The following PLCB4 variants were observed in gnomAD, a reference collection of about 807,000 sequenced individuals.
PLCB4 encodes 1-phosphatidylinositol 4,5-bisphosphate phosphodiesterase beta-4.
A neutral mutation model predicts 178.8 loss-of-function variants in PLCB4; 77 were observed. That is an observed-to-expected ratio of 0.43 (90% confidence interval 0.36 to 0.52). The LOEUF is 0.52. PLCB4 is among the 20% of genes least tolerant of loss of function. The pLI, the probability that PLCB4 is intolerant of heterozygous loss-of-function variation, is 0.00. For synonymous variants in PLCB4, 496 were observed against 490.8 expected (o/e 1.01, Z -0.14); for missense variants, 1,024 against 1,453.4 (o/e 0.70, Z 4.80).
intron 2 of PLCB4, among the ~76,000 whole-genome samples, chr20:9,150,234 C>T (rs576639808): frequency 1.2e-4 from 18 of 152,282 alleles, no homozygotes; most frequent in African/African-American, 4.3e-4. Flanking sequence ...ATGCTCAACA[C>T]TATTAGTTAA....
At chr20:9,187,437 C>A (rs1466887294) in intron 2 of PLCB4, among the ~76,000 whole-genome samples, 1 of 152,202 alleles carries the variant, frequency 6.6e-6, no homozygotes, top group Non-Finnish European at 1.5e-5. Flanking sequence ...ACTCTTCTGT[C>A]TTCTGTTTTC....
chr20:9,436,765 A>G (rs2041798490), intron 29 of PLCB4, among the ~76,000 whole-genome samples: 1 of 152,218 alleles, frequency 6.6e-6, no homozygotes, highest in Admixed American at 6.5e-5. Flanking sequence ...TCTCTTTACC[A>G]GACTCCTCAG....
intron 39 of PLCB4, among the ~76,000 whole-genome samples, chr20:9,478,653 T>C (rs939700948): frequency 2.6e-5 from 4 of 152,144 alleles, no homozygotes; most frequent in African/African-American, 7.2e-5. Flanking sequence ...TGTAAACCAG[T>C]CCCCAAAATT....
At chr20:9,264,668 C>G (rs1340157945) in intron 3 of PLCB4, among the ~76,000 whole-genome samples, 1 of 152,132 alleles carries the variant, frequency 6.6e-6, no homozygotes, top group Non-Finnish European at 1.5e-5. Flanking sequence ...ATGTAATGTC[C>G]TTTTCTTGAA....
At chr20:9,359,281 G>T (rs2035114011) in intron 7 of PLCB4, among the ~76,000 whole-genome samples, 1 of 152,110 alleles carries the variant, frequency 6.6e-6, no homozygotes, top group Non-Finnish European at 1.5e-5. Context: ...AGTTGGACAG[G>T]GCCTGGGGTG....
intron 4 of PLCB4, among the ~76,000 whole-genome samples, chr20:9,332,090 AG>A (rs1488251872): frequency 6.6e-6 from 1 of 152,190 alleles, no homozygotes; most frequent in Non-Finnish European, 1.5e-5. Flanking sequence ...CCACCCCCCA[AG>A]GAAGTTCTCT....
At position 9,434,399 on chromosome 20, in the gene PLCB4, G is replaced by A. The variant is rs189326402; in HGVS notation, c.2525-1161G>A. On this transcript the variant is annotated intron_variant, in intron 28 of 39. Transcript: ENST00000378473. ...GTTTATTATTATTTTTTTCTGAGAC[G>A]GAGTCTCACTCTGTCACCCAGCCTG... is the stretch of plus-strand genomic sequence containing the variant. Among the ~76,000 whole-genome samples the A allele has an allele frequency of 2.9e-3, 444 of 151,762 alleles. 3 individuals carry two copies. Among genetic ancestry groups the A allele is most frequent in the African/African-American group, 9.8e-3 (407 of 41,380 alleles).
At chr20:9,089,053 G>C (rs1235784534) in intron 1 of PLCB4, among the ~76,000 whole-genome samples, 1 of 151,858 alleles carries the variant, frequency 6.6e-6, no homozygotes, top group Non-Finnish European at 1.5e-5. Flanking sequence ...TTTGGAACAA[G>C]AAACAGGTAA....
At chr20:9,223,643 G>C (rs1375407728) in intron 3 of PLCB4, among the ~76,000 whole-genome samples, 2 of 152,166 alleles carry the variant, frequency 1.3e-5, no homozygotes, top group African/African-American at 4.8e-5. Flanking sequence ...TCAGAGCAGG[G>C]GGACAGCCTG....
intron 2 of PLCB4, among the ~76,000 whole-genome samples, chr20:9,106,170 C>T (rs937099871): frequency 2.6e-5 from 4 of 151,574 alleles, no homozygotes; most frequent in African/African-American, 9.7e-5. Context: ...AATATGGGGC[C>T]GTCAAACATA....
At chr20:9,107,959 A>C (rs1439117961) in intron 2 of PLCB4, among the ~76,000 whole-genome samples, 1 of 152,076 alleles carries the variant, frequency 6.6e-6, no homozygotes, top group Non-Finnish European at 1.5e-5. Flanking sequence ...AGTCAGTAGG[A>C]TTTGATCATG....
intron 3 of PLCB4, among the ~76,000 whole-genome samples, chr20:9,272,332 G>T (rs1165673104): frequency 6.6e-6 from 1 of 152,130 alleles, no homozygotes; most frequent in East Asian, 1.9e-4. Flanking sequence ...TCAGATCAGG[G>T]CCTTGTACCT....
chr20:9,338,160 TC>T, intron 6 of PLCB4, 93 bp downstream of exon 6: 1 of 799,646 alleles, frequency 1.3e-6, no homozygotes, highest in Non-Finnish European at 2.2e-6. Flanking sequence ...ACTCTTTGTA[TC>T]CAGGCTACTT....
At chr20:9,198,667 T>A (rs1248715863) in intron 2 of PLCB4, among the ~76,000 whole-genome samples, 2 of 152,212 alleles carry the variant, frequency 1.3e-5, no homozygotes, top group Non-Finnish European at 2.9e-5. Flanking sequence ...GTTTTTATCT[T>A]GGAATGGATA....
intron 37 of PLCB4, among the ~76,000 whole-genome samples, 169 bp from the exon 38 acceptor site, chr20:9,473,110 A>T (rs1338766722): frequency 1.3e-5 from 2 of 152,200 alleles, no homozygotes; most frequent in African/African-American, 4.8e-5. Context: ...AGCAGGAAAG[A>T]TCTTCCCAGA....
chr20:9,174,427 G>A (rs917858241), intron 2 of PLCB4, among the ~76,000 whole-genome samples: 1 of 150,916 alleles, frequency 6.6e-6, no homozygotes, highest in African/African-American at 2.4e-5. Flanking sequence ...TTACAGGTGT[G>A]AGCCACTGCA....
intron 25 of PLCB4, among the ~76,000 whole-genome samples, chr20:9,413,791 C>T (rs1360098647): frequency 7.2e-5 from 11 of 152,072 alleles, no homozygotes; most frequent in East Asian, 5.8e-4. Flanking sequence ...GACAGGGTTT[C>T]GCTCTGTCAC....
At chr20:9,165,268 T>C (rs1470782601) in intron 2 of PLCB4, among the ~76,000 whole-genome samples, 2 of 152,214 alleles carry the variant, frequency 1.3e-5, no homozygotes, top group African/African-American at 4.8e-5. Context: ...TAAATACCTG[T>C]AGGGTGTGCT....
chr20:9,112,940 C>A (rs558351261), intron 2 of PLCB4, among the ~76,000 whole-genome samples: 15 of 151,914 alleles, frequency 9.9e-5, no homozygotes, highest in African/African-American at 3.6e-4. Context: ...TTACCCTTTC[C>A]ACAAAAGCAG....
Sources: gnomAD v4.1 joint callset for allele counts (sites outside exome capture counted in the v4.1 genomes callset) on GRCh38, gnomAD v4.1.1 for gene constraint, MANE v1.5 for transcripts, NCBI Gene and HGNC (gene_info 2026-07-23, HGNC 2026-07-21) for gene names.